Variants in CNTN5 observed in about 807,000 individuals in gnomAD.
The protein encoded by CNTN5 is contactin-5.
A neutral mutation model predicts 129.1 loss-of-function variants in CNTN5; 77 were observed. The ratio of observed to expected loss-of-function variants is 0.60; its 90% confidence interval spans 0.50 to 0.72. CNTN5 has a LOEUF of 0.72. Among genes scored for constraint, CNTN5 ranks in the 30% least tolerant of loss-of-function variants. CNTN5 has a pLI of 0.00. For missense variants in CNTN5, 1,478 were observed against 1,328.8 expected (o/e 1.11, Z -1.75); for synonymous variants, 509 against 465.6 (o/e 1.09, Z -1.20).
At chr11:100,016,100 A>G (rs1436959442) in intron 9 of CNTN5, among the ~76,000 whole-genome samples, 1 of 152,086 alleles carries the variant, frequency 6.6e-6, no homozygotes, top group Non-Finnish European at 1.5e-5. Flanking sequence ...ACAGAAGACC[A>G]TATATACAAT....
intron 1 of CNTN5, among the ~76,000 whole-genome samples, chr11:99,219,807 T>C (rs1860311039): frequency 6.6e-6 from 1 of 151,938 alleles, no homozygotes; most frequent in African/African-American, 2.4e-5. Context: ...AGGAGACCAG[T>C]TTGTAGATTA....
intron 2 of CNTN5, among the ~76,000 whole-genome samples, chr11:99,409,874 A>G (rs1029229174): frequency 6.6e-6 from 1 of 152,224 alleles, no homozygotes; most frequent in African/African-American, 2.4e-5. Context: ...TTGGGAAAGG[A>G]AAGCTTAATA....
At chr11:99,078,365 G>C (rs1460503700) in intron 1 of CNTN5, among the ~76,000 whole-genome samples, 1 of 152,136 alleles carries the variant, frequency 6.6e-6, no homozygotes, top group Non-Finnish European at 1.5e-5. Flanking sequence ...TGGAGAACAG[G>C]TTGGAGGTTC....
chr11:99,471,359 G>C (rs897866911), intron 2 of CNTN5, among the ~76,000 whole-genome samples: 1 of 152,000 alleles, frequency 6.6e-6, no homozygotes, highest in African/African-American at 2.4e-5. Context: ...AATGAAGTCA[G>C]TTTTTACTCT....
rs111503345 is a variant in CNTN5, at chr11:100,298,119, T to C, written c.2385+424T>C. ...GCCACCTTCCTTTTTTGATGTTAAATAACCTTATTATTAAATGTAAATAGC... is the reference window on the plus strand; with the variant it reads ...GCCACCTTCCTTTTTTGATGTTAAACAACCTTATTATTAAATGTAAATAGC... On this transcript the variant is annotated intron_variant, in intron 19 of 24. Transcript: ENST00000524871. Among the ~76,000 whole-genome samples, 1,035 of 151,462 alleles carry C rather than the reference T, an allele frequency of 6.8e-3. 15 individuals carry two copies. Among genetic ancestry groups the C allele is most frequent in the African/African-American group, 0.023 (966 of 41,418 alleles).
intron 2 of CNTN5, among the ~76,000 whole-genome samples, chr11:99,438,660 T>G (rs1426864964): frequency 6.6e-6 from 1 of 152,210 alleles, no homozygotes; most frequent in East Asian, 1.9e-4. Context: ...GGACACTGTA[T>G]ACAGTGATGT....
intron 8 of CNTN5, among the ~76,000 whole-genome samples, chr11:99,997,578 A>T (rs1207834997): frequency 6.6e-6 from 1 of 152,188 alleles, no homozygotes; most frequent in Non-Finnish European, 1.5e-5. Flanking sequence ...CCAGAGGTAC[A>T]AGGAGGAACT....
chr11:99,156,374 C>A lies in CNTN5; in HGVS notation c.-210+135104C>A, dbSNP rs533288938. The stretch of plus-strand genomic sequence containing the variant: ...AACAATAATTGGATTTTTTTATCAT[C>A]GAAGTAGCCAAAGTAAAAGATTAAT... On this transcript the variant is annotated intron_variant, in intron 1 of 24. Coordinates refer to ENST00000524871, the MANE Select transcript of CNTN5 (RefSeq NM_014361.4). Among the ~76,000 whole-genome samples, 3 of 151,870 alleles carry A rather than the reference C, an allele frequency of 2.0e-5. No homozygotes were observed. The East Asian group carries it at 5.8e-4, about 29-fold the overall frequency.
chr11:99,495,329 C>T (rs1471392611), intron 2 of CNTN5, among the ~76,000 whole-genome samples: 2 of 152,186 alleles, frequency 1.3e-5, no homozygotes, highest in African/African-American at 2.4e-5. Context: ...GATCGCACCA[C>T]TGCACTCCAG....
intron 3 of CNTN5, among the ~76,000 whole-genome samples, chr11:99,764,380 G>T (rs1042675300): frequency 6.6e-6 from 1 of 151,462 alleles, no homozygotes; most frequent in Non-Finnish European, 1.5e-5. Context: ...AAAAAATAAA[G>T]AAGAAACACT....
Position 100,255,813 on chromosome 11 carries a change from G to T in CNTN5, c.2059G>T (p.Ala687Ser). The T allele has an allele frequency of 6.2e-7, 1 of 1,613,872 alleles. No homozygotes were observed. Among genetic ancestry groups the T allele is most frequent in the Middle Eastern group, 1.7e-4 (1 of 6,060 alleles). ...TGTTGAGGAAATAACCGAAAGTACG[G>T]CCACACTGTCCTGGAGCCCAGCAGC... ...VIVEEITEST[A>S]TLSWSPAADN... The change falls in exon 17 of 25, where the codon GCC becomes TCC. Residue 687 changes from alanine (A) to serine (S), a missense_variant. Ala to Ser is a moderately conservative substitution (Grantham distance 99). Transcript: ENST00000524871.
At chr11:99,116,490 G>C (rs1858051046) in intron 1 of CNTN5, among the ~76,000 whole-genome samples, 1 of 152,064 alleles carries the variant, frequency 6.6e-6, no homozygotes, top group Non-Finnish European at 1.5e-5. Context: ...TAAGGCGTTT[G>C]GATGTTGATT....
rs1161814478 is a variant in CNTN5, at chr11:99,644,103, G to A, written c.55+87834G>A. 2.0e-5 allele frequency among the ~76,000 whole-genome samples: 3 copies of A among 152,172 alleles called. No individual in the cohort carries two copies. In the East Asian group the frequency reaches 5.8e-4, roughly 29 times the overall value. On this transcript the variant is annotated intron_variant, in intron 3 of 24. Coordinates refer to ENST00000524871, the MANE Select transcript of CNTN5 (RefSeq NM_014361.4). ...AAGCTACTTACACCTTCATGTGTTAGCCTCTAAACATATGCCCATATGCCC... is the reference window on the plus strand; with the variant it reads ...AAGCTACTTACACCTTCATGTGTTAACCTCTAAACATATGCCCATATGCCC...
intron 2 of CNTN5, among the ~76,000 whole-genome samples, chr11:99,483,073 G>A (rs1591138796): frequency 6.6e-6 from 1 of 151,264 alleles, no homozygotes; most frequent in African/African-American, 2.4e-5. Context: ...CTACTGGGGA[G>A]GCTGAGGCAG....
chr11:99,206,220 C>G (rs1859473276), intron 1 of CNTN5, among the ~76,000 whole-genome samples: 1 of 152,002 alleles, frequency 6.6e-6, no homozygotes, highest in Non-Finnish European at 1.5e-5. Context: ...AGATTTCTTT[C>G]TTAGTGGAAA....
chr11:100,299,463 T>C, intron 20 of CNTN5, 67 bp downstream of exon 20: 1 of 922,714 alleles, frequency 1.1e-6, no homozygotes, highest in Non-Finnish European at 1.6e-6. Context: ...ATCAGACACC[T>C]TTGTACACAT....
chr11:99,841,255 A>C (rs1272929030), intron 4 of CNTN5, among the ~76,000 whole-genome samples: 1 of 152,142 alleles, frequency 6.6e-6, no homozygotes, highest in East Asian at 1.9e-4. Context: ...AGTAATAATA[A>C]AATATATGTT....
intron 13 of CNTN5, among the ~76,000 whole-genome samples, chr11:100,125,048 A>G (rs1206923126): frequency 2.0e-5 from 3 of 152,036 alleles, no homozygotes; most frequent in African/African-American, 7.2e-5. Context: ...TGCCAATGCT[A>G]TTGGTCTGGG....
At chr11:99,630,247 CATATATATATAT>C (rs201091704) in intron 3 of CNTN5, among the ~76,000 whole-genome samples, 3 of 151,024 alleles carry the variant, frequency 2.0e-5, no homozygotes, top group Admixed American at 1.3e-4. Context: ...TGTGTATATA[CATATATATATAT>C]ATATATATAT....
Sources: gnomAD v4.1 joint callset for allele counts (sites outside exome capture counted in the v4.1 genomes callset) on GRCh38, gnomAD v4.1.1 for gene constraint, MANE v1.5 for transcripts, NCBI Gene and HGNC (gene_info 2026-07-23, HGNC 2026-07-21) for gene names.